Variants in MON2 observed in about 807,000 individuals in gnomAD.
The protein encoded by MON2 is protein MON2 homolog.
In MON2, 84 loss-of-function variants were observed where a neutral mutation model predicts 208.6. The observed-to-expected ratio is 0.40, with a 90% CI of 0.34 to 0.48. The LOEUF (loss-of-function observed/expected upper bound fraction) is 0.48. MON2 is among the 20% of genes least tolerant of loss of function. The pLI is 0.59. For synonymous variants in MON2, 660 were observed against 694.0 expected, an observed-to-expected ratio of 0.95 and a Z score of 0.77; for missense variants, 1,611 against 2,015.4, an observed-to-expected ratio of 0.80 and a Z score of 3.84.
chr12:62,524,876 A>G (rs2072254087), intron 9 of MON2, among the ~76,000 whole-genome samples: 1 of 152,134 alleles, frequency 6.6e-6, no homozygotes. Context: ...GTCTGAATTT[A>G]CTGATTTAAT....
At position 62,535,704 on chromosome 12, in the gene MON2, A is replaced by G. The variant is rs2136232274; in HGVS notation, c.1895A>G (p.Asn632Ser). 1.2e-6 allele frequency: 2 copies of G among 1,608,180 alleles called. No homozygotes were observed. The highest frequency in any genetic ancestry group is 1.7e-6 in the Non-Finnish European group (2 of 1,177,144). Residue 632 changes from asparagine to serine, a missense_variant, in exon 14 of 35, where the codon AAC (asparagine) becomes AGC (serine). Asn to Ser is a conservative substitution (Grantham distance 46). Transcript: ENST00000393630. ...ACCACCACTGCAGCTACACTTTCCA[A>G]CAAATGTAAGACAGGCTTACTCAAA... is the stretch of plus-strand genomic sequence containing the variant. ...LNTTTAATLSNKSYSVQGQSV... is the reference protein window; with the variant it reads ...LNTTTAATLSSKSYSVQGQSV...
At position 62,574,034 on chromosome 12, in the gene MON2, G is replaced by GT. The variant is rs1054371898; in HGVS notation, c.4514+2453dup. Among the ~76,000 whole-genome samples, 30 of 152,198 alleles carry GT rather than the reference G, an allele frequency of 2.0e-4. No individual in the cohort carries two copies. The South Asian group carries it at 2.9e-3, about 15-fold the overall frequency. ...GACTACCTGGATTCAAATCCCAGTA[G>GT]TACTACTTTGTACTACTTTTTAGAC... is the stretch of plus-strand genomic sequence containing the variant. On this transcript the variant is annotated intron_variant, in intron 30 of 34. Transcript: ENST00000393630.
In MON2 at chr12:62,594,188, T is replaced by A. The variant is rs571912144; in HGVS notation, c.*1439T>A. 3 of 152,252 alleles carry A rather than the reference T, an allele frequency of 2.0e-5. No homozygotes were observed. The highest frequency in any genetic ancestry group is 4.8e-5 in the African/African-American group (2 of 41,576). The allele number at this position is 152,252 out of a possible 1,614,324, so 9.4% of individuals were successfully genotyped here. ...ATGGTCTCAGTATTATTTTAGTGTA[T>A]TGGAAGGTCTTTGATCTTAATAGAA... On this transcript the variant is annotated 3_prime_UTR_variant, in exon 35 of 35. Coordinates refer to ENST00000393630, the MANE Select transcript of MON2 (RefSeq NM_015026.3).
intron 1 of MON2, among the ~76,000 whole-genome samples, chr12:62,469,621 T>C (rs1254357932): frequency 6.6e-6 from 1 of 152,188 alleles, no homozygotes; most frequent in Non-Finnish European, 1.5e-5. Flanking sequence ...CTAATTATGA[T>C]GAAGTTTTAG....
At chr12:62,497,305 A>C (rs1015361998) in intron 4 of MON2, among the ~76,000 whole-genome samples, 2 of 152,254 alleles carry the variant, frequency 1.3e-5, no homozygotes, top group East Asian at 3.9e-4. Flanking sequence ...CCTAAAACTT[A>C]AAGTATAATA....
intron 32 of MON2, among the ~76,000 whole-genome samples, chr12:62,582,271 G>A (rs1464792262): frequency 6.6e-6 from 1 of 152,152 alleles, no homozygotes. Flanking sequence ...ATCTTGCTAT[G>A]TATAGTATTA....
intron 8 of MON2, among the ~76,000 whole-genome samples, chr12:62,513,003 A>T (rs960283739): frequency 1.5e-4 from 23 of 151,992 alleles, no homozygotes; most frequent in Admixed American, 1.3e-3. Flanking sequence ...AGTGGCTGGG[A>T]TGCAGGGGAC....
Position 62,555,939 on chromosome 12 carries a change from A to G in MON2, c.3211-55A>G, listed in dbSNP as rs967804014. Reference sequence around the variant, plus strand: ...ATTCTTATGCTGTTGCTCCTATGCTATTACTTAAGCTATATTATCAATGCA... The same window carrying G: ...ATTCTTATGCTGTTGCTCCTATGCTGTTACTTAAGCTATATTATCAATGCA... On this transcript the variant is annotated intron_variant, in intron 24 of 34. Transcript: ENST00000393630. 1.0e-5 allele frequency: 13 copies of G among 1,301,196 alleles called. 1 individual carries two copies. Among genetic ancestry groups the G allele is most frequent in the South Asian group, 7.6e-5 (6 of 78,894 alleles). The allele number at this position is 1,301,196 out of a possible 1,614,324, so 80.6% of individuals were successfully genotyped here.
chr12:62,546,774 CAT>C, intron 21 of MON2, 121 bp from the exon 22 acceptor site: 3 of 723,064 alleles, frequency 4.1e-6, no homozygotes, highest in Non-Finnish European at 6.3e-6. Context: ...ATAAATAAAA[CAT>C]AAAAATATCT....
In MON2 at chr12:62,537,173, T is replaced by C; in HGVS notation, c.1923T>C (p.Ser641=). The C allele has an allele frequency of 6.2e-7, 1 of 1,612,238 alleles. No individual in the cohort carries two copies. Among genetic ancestry groups the C allele is most frequent in the Non-Finnish European group, 8.5e-7 (1 of 1,178,758 alleles). ...TAGCATATTCCGTTCAGGGCCAAAG[T>C]GTTATGATGATAAGTCCATCAAGTG... is the stretch of plus-strand genomic sequence containing the variant. ...SNKSYSVQGQ[S]VMMISPSSES... The change falls in exon 15 of 35, where the codon AGT becomes AGC. Residue 641 remains serine (S), a synonymous_variant. Coordinates refer to ENST00000393630, the MANE Select transcript of MON2 (RefSeq NM_015026.3).
At chr12:62,497,190 G>A (rs1282126114) in intron 4 of MON2, among the ~76,000 whole-genome samples, 1 of 144,740 alleles carries the variant, frequency 6.9e-6, no homozygotes, top group Admixed American at 6.9e-5. Context: ...GGGAGGGATA[G>A]CATTAGGAGA....
intron 11 of MON2, among the ~76,000 whole-genome samples, chr12:62,527,399 A>T (rs1249231926): frequency 6.6e-6 from 1 of 152,226 alleles, no homozygotes; most frequent in Non-Finnish European, 1.5e-5. Flanking sequence ...ATAGAGTCAT[A>T]GAAGACTGAA....
chr12:62,474,520 G>T (rs2068964501), intron 1 of MON2, among the ~76,000 whole-genome samples: 1 of 152,096 alleles, frequency 6.6e-6, no homozygotes, highest in Admixed American at 6.6e-5. Flanking sequence ...TGCCTCCCGG[G>T]TTCGAGTGAT....
At position 62,593,042 on chromosome 12, in the gene MON2, A is replaced by G. The variant is rs1426649378; in HGVS notation, c.*293A>G. The G allele has an allele frequency of 4.3e-6, 1 of 230,434 alleles. No homozygotes were observed. The highest frequency in any genetic ancestry group is 8.6e-6 in the Non-Finnish European group (1 of 116,668). The allele number at this position is 230,434 out of a possible 1,614,324, so 14.3% of individuals were successfully genotyped here. A position where few individuals can be genotyped will look rare whatever the true frequency, so the allele number is the denominator to read the frequency against. On this transcript the variant is annotated 3_prime_UTR_variant, in exon 35 of 35. Coordinates refer to ENST00000393630, the MANE Select transcript of MON2 (RefSeq NM_015026.3). Reference sequence around the variant, plus strand: ...CCAGTTGGTGATTTAAAGTGAGCTTATGTACAGTTTGTGGTGTATGTGTTA... The same window carrying G: ...CCAGTTGGTGATTTAAAGTGAGCTTGTGTACAGTTTGTGGTGTATGTGTTA...
chr12:62,545,067 T>C, intron 21 of MON2, 59 bp downstream of exon 21: 1 of 1,127,598 alleles, frequency 8.9e-7, no homozygotes, highest in Non-Finnish European at 1.3e-6. Context: ...CTCCTCCATA[T>C]GTGATTTTTT....
chr12:62,525,380 G>T (rs2072278932), intron 10 of MON2, among the ~76,000 whole-genome samples, 160 bp downstream of exon 10: 1 of 152,186 alleles, frequency 6.6e-6, no homozygotes, highest in Non-Finnish European at 1.5e-5. Context: ...TGATCTCAAT[G>T]AAGCAGTTGT....
At chr12:62,536,663 T>C (rs2072987335) in intron 14 of MON2, among the ~76,000 whole-genome samples, 2 of 151,960 alleles carry the variant, frequency 1.3e-5, no homozygotes, top group African/African-American at 4.8e-5. Context: ...TGTCTTGGTT[T>C]TTGTACCTCA....
intron 22 of MON2, among the ~76,000 whole-genome samples, chr12:62,548,216 G>T (rs946424123): frequency 1.3e-5 from 2 of 152,184 alleles, no homozygotes; most frequent in African/African-American, 4.8e-5. Flanking sequence ...ATGGCTACAA[G>T]TGCTCACTAG....
chr12:62,488,251 T>C (rs528304386), intron 2 of MON2, among the ~76,000 whole-genome samples: 1 of 152,242 alleles, frequency 6.6e-6, no homozygotes, highest in South Asian at 2.1e-4. Flanking sequence ...GGTAGAAGTA[T>C]AGAGAGGGTT....
Sources: allele counts gnomAD v4.1 joint callset (sites outside exome capture counted in the v4.1 genomes callset), GRCh38; gene constraint gnomAD v4.1.1; transcripts MANE v1.5; gene names NCBI Gene and HGNC (gene_info 2026-07-23, HGNC 2026-07-21).